Variants in CFAP61 observed in about 807,000 individuals in gnomAD.
CFAP61 encodes the protein cilia and flagella associated protein 61.
Under a neutral mutation model 135.6 loss-of-function variants are expected in CFAP61, and 107 were observed. The ratio of observed to expected loss-of-function variants is 0.79; its 90% CI spans 0.67 to 0.93. CFAP61 has a LOEUF of 0.93. CFAP61 is among the 40% of genes least tolerant of loss of function. The pLI, the probability that CFAP61 is intolerant of heterozygous loss-of-function variation, is 0.00. For missense variants in CFAP61, 1,507 were observed against 1,556.2 expected (o/e 0.97, Z 0.53); for synonymous variants, 575 against 578.5 (o/e 0.99, Z 0.09).
chr20:20,072,945 A>T (rs2045825152), intron 3 of CFAP61, among the ~76,000 whole-genome samples: 1 of 152,334 alleles, frequency 6.6e-6, no homozygotes, highest in South Asian at 2.1e-4. Context: ...TAATGTGTCT[A>T]CTAGAAAATT....
chr20:20,076,271 G>A (rs2046043252), intron 6 of CFAP61, among the ~76,000 whole-genome samples: 3 of 152,334 alleles, frequency 2.0e-5, no homozygotes, highest in South Asian at 4.1e-4. Context: ...GGAAGCTTCT[G>A]CCTGGCTCTC....
intron 25 of CFAP61, among the ~76,000 whole-genome samples, chr20:20,307,103 C>T (rs1280468283): frequency 6.6e-6 from 1 of 151,498 alleles, no homozygotes; most frequent in East Asian, 1.9e-4. Flanking sequence ...CCCGACCACC[C>T]TCTTTGTCCT....
intron 8 of CFAP61, among the ~76,000 whole-genome samples, chr20:20,137,835 C>T (rs1173660508): frequency 6.6e-6 from 1 of 152,156 alleles, no homozygotes; most frequent in African/African-American, 2.4e-5. Context: ...TTCTCGTAGC[C>T]ACTACAGCTG....
intron 2 of CFAP61, among the ~76,000 whole-genome samples, chr20:20,057,993 C>T (rs1451219465): frequency 5.9e-5 from 9 of 152,074 alleles, no homozygotes; most frequent in Admixed American, 5.9e-4. Flanking sequence ...CTCCCAAAGT[C>T]TTTGGATTAC....
chr20:20,243,603 A>G (rs754428190), intron 18 of CFAP61, among the ~76,000 whole-genome samples: 8 of 151,918 alleles, frequency 5.3e-5, no homozygotes, highest in Non-Finnish European at 1.2e-4. Flanking sequence ...ACACCTGGCT[A>G]ATTTTGTATT....
At chr20:20,340,399 T>C (rs911873185) in intron 25 of CFAP61, among the ~76,000 whole-genome samples, 24 of 151,666 alleles carry the variant, frequency 1.6e-4, no homozygotes, top group Non-Finnish European at 1.3e-4. Flanking sequence ...CAGAGGGCTT[T>C]TTAGGGCAGT....
chr20:20,317,919 G>A (rs2057230100), intron 25 of CFAP61, among the ~76,000 whole-genome samples: 2 of 152,196 alleles, frequency 1.3e-5, no homozygotes, highest in African/African-American at 4.8e-5. Context: ...TTAGTTCCCA[G>A]CCACTAGCAG....
chr20:20,056,149 A>G (rs1439333414), intron 1 of CFAP61: 2 of 638,302 alleles, frequency 3.1e-6, no homozygotes, highest in South Asian at 2.0e-5. Context: ...CATTTCCTAC[A>G]CTTAACCACA....
chr20:20,165,686 C>G (rs2053771770), intron 11 of CFAP61, among the ~76,000 whole-genome samples: 2 of 152,090 alleles, frequency 1.3e-5, no homozygotes, highest in South Asian at 4.1e-4. Flanking sequence ...GTGGAAGGCT[C>G]TAGGGTGTCT....
chr20:20,217,910 A>G (rs1230190348), intron 17 of CFAP61, among the ~76,000 whole-genome samples: 1 of 152,134 alleles, frequency 6.6e-6, no homozygotes, highest in Non-Finnish European at 1.5e-5. Flanking sequence ...AAATCCATTC[A>G]TGTAGACTGA....
chr20:20,067,207 GTA>G (rs990989969), intron 2 of CFAP61, among the ~76,000 whole-genome samples: 12 of 151,432 alleles, frequency 7.9e-5, no homozygotes, highest in East Asian at 1.9e-4. Flanking sequence ...ACATACGTGT[GTA>G]TGTGTGTGTG....
At chr20:20,253,212 T>TCTTC (rs575719525) in intron 20 of CFAP61, 1 of 151,608 alleles carries the variant, frequency 6.6e-6, no homozygotes, top group African/African-American at 2.4e-5. Flanking sequence ...TTCCGTCCTT[T>TCTTC]CTTCCTTCCT....
rs116198684 is a variant in CFAP61, at chr20:20,332,710, G to A, written c.3423-9121G>A. ...TAGCTCACTACAGCCTCAAACTCGG[G>A]CTCAAGTGATCCTCCTGCCTCTGCC... is the stretch of plus-strand genomic sequence containing the variant. On this transcript the variant is annotated intron_variant, in intron 25 of 26. Transcript: ENST00000245957. Among the ~76,000 whole-genome samples, 1,020 of 152,224 alleles carry A rather than the reference G, an allele frequency of 6.7e-3. 10 individuals are homozygous for A. Among genetic ancestry groups the A allele is most frequent in the African/African-American group, 0.024 (978 of 41,526 alleles).
chr20:20,294,657 G>A (rs1006667468), intron 24 of CFAP61, among the ~76,000 whole-genome samples: 3 of 152,100 alleles, frequency 2.0e-5, no homozygotes, highest in African/African-American at 4.8e-5. Flanking sequence ...GGTCGGGCGC[G>A]GTGGCTCACG....
intron 8 of CFAP61, among the ~76,000 whole-genome samples, chr20:20,120,219 A>G (rs949479309): frequency 2.0e-5 from 3 of 152,066 alleles, no homozygotes; most frequent in African/African-American, 4.8e-5. Context: ...CTTGAGGTAC[A>G]TCGTTAAGTT....
Position 20,164,217 on chromosome 20 carries a change from A to C in CFAP61, c.1194A>C (p.Lys398Asn), listed in dbSNP as rs143411869. ...FCIQLFCIDEKYEARSLDFMN... is the reference protein window; with the variant it reads ...FCIQLFCIDENYEARSLDFMN... The stretch of plus-strand genomic sequence containing the variant: ...TTCAGCTGTTTTGTATTGATGAGAA[A>C]TATGAAGCAAGGCAAGTACTGACCT... Residue 398 changes from lysine to asparagine, a missense_variant, in exon 11 of 27, where the codon AAA (lysine) becomes AAC (asparagine). By Grantham distance (94) the Lys-to-Asn change is moderately conservative. Coordinates refer to ENST00000245957, the MANE Select transcript of CFAP61 (RefSeq NM_015585.4). 1.2e-6 allele frequency: 2 copies of C among 1,613,288 alleles called. No homozygotes were observed. Among genetic ancestry groups the C allele is most frequent in the Non-Finnish European group, 1.7e-6 (2 of 1,179,642 alleles).
intron 17 of CFAP61, 92 bp from the exon 18 acceptor site, chr20:20,228,157 G>A: frequency 8.7e-7 from 1 of 1,146,706 alleles, no homozygotes; most frequent in Non-Finnish European, 1.2e-6. Flanking sequence ...GTAATGTCCT[G>A]GTTAGATAAT....
rs566821435 is a variant in CFAP61 at position 20,091,865 on chromosome 20, A to G, written c.699+889A>G. 7.9e-5 allele frequency among the ~76,000 whole-genome samples: 12 copies of G among 152,232 alleles called. No individual in the cohort carries two copies. In the South Asian group the frequency reaches 2.3e-3, roughly 29 times the overall value. On this transcript the variant is annotated intron_variant, in intron 7 of 26. Coordinates refer to ENST00000245957, the MANE Select transcript of CFAP61 (RefSeq NM_015585.4). ...GCTAACTTTTGTATTTTTAGTAGAG[A>G]CGGGGTTTCACCATGTTGGCCAGGC...
chr20:20,344,278 G>T (rs992462619), intron 26 of CFAP61, among the ~76,000 whole-genome samples: 2 of 152,216 alleles, frequency 1.3e-5, no homozygotes, highest in Admixed American at 6.5e-5. Flanking sequence ...GCACAGAAGA[G>T]TGGCCCAGTG....
Sources: gnomAD v4.1 joint callset for allele counts (sites outside exome capture counted in the v4.1 genomes callset) on GRCh38, gnomAD v4.1.1 for gene constraint, MANE v1.5 for transcripts, NCBI Gene and HGNC (gene_info 2026-07-23, HGNC 2026-07-21) for gene names.